Variants in PEX5L observed in about 807,000 individuals in gnomAD.
PEX5L encodes the protein PEX5-related protein.
In PEX5L, 30 loss-of-function variants were observed where a neutral mutation model predicts 84.0. The ratio of observed to expected loss-of-function variants is 0.36; its 90% confidence interval spans 0.27 to 0.48. The LOEUF is 0.48. PEX5L is among the 20% of genes least tolerant of loss of function. PEX5L has a pLI of 0.99. For missense variants in PEX5L, 533 were observed against 754.6 expected (o/e 0.71, Z 3.44); for synonymous variants, 270 against 283.1 (o/e 0.95, Z 0.46).
intron 8 of PEX5L, among the ~76,000 whole-genome samples, chr3:179,856,107 T>A (rs753218206): frequency 1.3e-5 from 2 of 152,220 alleles, no homozygotes; most frequent in Non-Finnish European, 2.9e-5. Context: ...CATAACTGTC[T>A]GCAAGGTCTT....
At chr3:179,823,299 TA>T (rs1392665171) in intron 8 of PEX5L, among the ~76,000 whole-genome samples, 4 of 152,172 alleles carry the variant, frequency 2.6e-5, no homozygotes, top group Admixed American at 2.6e-4. Flanking sequence ...AAAATTATGG[TA>T]AAACCTCTAT....
chr3:179,821,249 C>G (rs748771887), intron 8 of PEX5L, among the ~76,000 whole-genome samples: 3 of 152,156 alleles, frequency 2.0e-5, no homozygotes, highest in Non-Finnish European at 4.4e-5. Context: ...TTTAAACAAA[C>G]AAACAAAACA....
chr3:179,922,832 G>A (rs2109437159), intron 2 of PEX5L, among the ~76,000 whole-genome samples: 1 of 152,244 alleles, frequency 6.6e-6, no homozygotes, highest in South Asian at 2.1e-4. Context: ...TGATCAGAAT[G>A]TTATTCAACT....
intron 2 of PEX5L, chr3:179,902,153 T>G (rs1176166517): frequency 6.6e-6 from 1 of 152,358 alleles, no homozygotes; most frequent in Non-Finnish European, 1.5e-5. Flanking sequence ...AGATATTATC[T>G]TCCATAGATA....
At chr3:179,921,819 G>T in intron 2 of PEX5L, 1 of 152,102 alleles carries the variant, frequency 6.6e-6, no homozygotes, top group South Asian at 2.1e-4. Flanking sequence ...ACACCTTTTG[G>T]CAGGATATAT....
intron 2 of PEX5L, among the ~76,000 whole-genome samples, chr3:179,951,692 G>T (rs1425901947): frequency 1.3e-5 from 2 of 152,060 alleles, no homozygotes; most frequent in African/African-American, 4.8e-5. Flanking sequence ...TATAATACCA[G>T]ATTTCCTTTT....
chr3:180,025,639 T>C (rs181999248), intron 1 of PEX5L, among the ~76,000 whole-genome samples: 7 of 152,050 alleles, frequency 4.6e-5, no homozygotes, highest in Admixed American at 3.9e-4. Context: ...TGAGTAAACA[T>C]TCAGAGCGTA....
chr3:179,810,617 A>G (rs1011534223), intron 11 of PEX5L, among the ~76,000 whole-genome samples: 1 of 152,112 alleles, frequency 6.6e-6, no homozygotes, highest in African/African-American at 2.4e-5. Flanking sequence ...ACAAGTTCTC[A>G]GGTGATGATG....
At chr3:179,904,348 GTTAA>G (rs1762415748) in intron 2 of PEX5L, among the ~76,000 whole-genome samples, 1 of 152,184 alleles carries the variant, frequency 6.6e-6, no homozygotes, top group Admixed American at 6.5e-5. Flanking sequence ...TGTGTTTTGT[GTTAA>G]TTGACACTAT....
At chr3:179,861,569 C>A (rs927580069) in intron 7 of PEX5L, among the ~76,000 whole-genome samples, 14 of 152,180 alleles carry the variant, frequency 9.2e-5, no homozygotes, top group Admixed American at 7.9e-4. Context: ...AGCATCAGCG[C>A]CTCACTGTTG....
rs1208156834 is a variant in PEX5L, at chr3:179,947,272, AATG to A, written c.93+24319_93+24321del. 2.0e-5 allele frequency among the ~76,000 whole-genome samples: 3 copies of A among 151,900 alleles called. No homozygotes were observed. The South Asian group carries it at 6.2e-4, about 32-fold the overall frequency. On this transcript the variant is annotated intron_variant, in intron 2 of 14. Transcript: ENST00000467460. Reference sequence around the variant, plus strand: ...CTGAAACTTAAAAGATAGAAAGCATAATGATAATACAGTTACCATTAATTGAAT... The same window carrying A: ...CTGAAACTTAAAAGATAGAAAGCATAATAATACAGTTACCATTAATTGAAT...
intron 1 of PEX5L, among the ~76,000 whole-genome samples, chr3:180,017,424 A>G (rs888078590): frequency 6.6e-6 from 1 of 152,214 alleles, no homozygotes; most frequent in Non-Finnish European, 1.5e-5. Flanking sequence ...TAAAGCCGTT[A>G]TCAGTGTGAA....
At chr3:179,867,306 C>A (rs1748684388) in intron 7 of PEX5L, among the ~76,000 whole-genome samples, 1 of 152,116 alleles carries the variant, frequency 6.6e-6, no homozygotes, top group Non-Finnish European at 1.5e-5. Context: ...CTTTAATTAA[C>A]TTCAGCTGCT....
At chr3:179,876,885 T>G (rs1752605926) in intron 5 of PEX5L, among the ~76,000 whole-genome samples, 1 of 152,150 alleles carries the variant, frequency 6.6e-6, no homozygotes, top group East Asian at 1.9e-4. Context: ...AATTTGGGAT[T>G]TTTTTTCTTG....
chr3:179,804,763 T>C (rs142751746), intron 14 of PEX5L, among the ~76,000 whole-genome samples: 150 of 152,360 alleles, frequency 9.8e-4, no homozygotes, highest in African/African-American at 3.4e-3. Flanking sequence ...TGAGGGTTGT[T>C]ATTTCCTGAG....
chr3:179,932,731 T>A (rs1773437930), intron 2 of PEX5L, among the ~76,000 whole-genome samples: 1 of 152,212 alleles, frequency 6.6e-6, no homozygotes. Flanking sequence ...AAAAAATTAA[T>A]AATTATTTAA....
At chr3:179,912,704 A>G (rs965714534) in intron 2 of PEX5L, among the ~76,000 whole-genome samples, 8 of 152,062 alleles carry the variant, frequency 5.3e-5, no homozygotes, top group Non-Finnish European at 8.8e-5. Context: ...CAATATCACA[A>G]TATTTTCTTT....
chr3:180,005,191 A>C (rs755139159), intron 1 of PEX5L, among the ~76,000 whole-genome samples: 2 of 152,232 alleles, frequency 1.3e-5, no homozygotes, highest in Non-Finnish European at 2.9e-5. Flanking sequence ...ATTACTCTGC[A>C]TCAAATTGCT....
At chr3:179,861,239 G>A (rs755197599) in intron 7 of PEX5L, among the ~76,000 whole-genome samples, 11 of 152,318 alleles carry the variant, frequency 7.2e-5, no homozygotes, top group Non-Finnish European at 1.3e-4. Context: ...GAATAGATGC[G>A]TGAATGAATT....
Sources: allele counts gnomAD v4.1 joint callset (sites outside exome capture counted in the v4.1 genomes callset), GRCh38; gene constraint gnomAD v4.1.1; transcripts MANE v1.5; gene names NCBI Gene and HGNC (gene_info 2026-07-23, HGNC 2026-07-21).